BBX: variants seen among roughly 807,000 people sequenced by gnomAD.
BBX encodes HMG box transcription factor BBX.
BBX carries 30 observed loss-of-function variants against 100.2 expected under a neutral mutation model. The observed-to-expected ratio is 0.30, with a 90% CI of 0.22 to 0.41. The LOEUF is 0.41. BBX is among the 10% of genes least tolerant of loss of function. The probability of loss-of-function intolerance (pLI) is 1.00; values close to 1 mark genes in which losing one functional copy is unlikely to be tolerated. For synonymous variants in BBX, 376 were observed against 388.1 expected (o/e 0.97, Z 0.37); for missense variants, 1,023 against 1,129.8 (o/e 0.91, Z 1.35).
intron 13 of BBX, among the ~76,000 whole-genome samples, chr3:107,781,586 C>T (rs2067896827): frequency 6.6e-6 from 1 of 152,142 alleles, no homozygotes; most frequent in Non-Finnish European, 1.5e-5. Flanking sequence ...ATTTGTTTTA[C>T]ACATGTTTTT....
intron 9 of BBX, among the ~76,000 whole-genome samples, chr3:107,751,680 C>T (rs2065089930): frequency 6.6e-6 from 1 of 151,962 alleles, no homozygotes; most frequent in Non-Finnish European, 1.5e-5. Context: ...TTTGTAGGTG[C>T]CTCATAAATG....
At chr3:107,800,151 G>A (rs557446459) in intron 16 of BBX, among the ~76,000 whole-genome samples, 1 of 152,318 alleles carries the variant, frequency 6.6e-6, no homozygotes, top group East Asian at 1.9e-4. Context: ...AGAGGTGGAA[G>A]TTTTTGTTTG....
At chr3:107,571,759 C>G (rs2051382331) in intron 2 of BBX, among the ~76,000 whole-genome samples, 1 of 152,216 alleles carries the variant, frequency 6.6e-6, no homozygotes, top group South Asian at 2.1e-4. Flanking sequence ...TTTGTGTGAG[C>G]AACAAGGCTG....
At chr3:107,618,007 A>T (rs186210897) in intron 2 of BBX, among the ~76,000 whole-genome samples, 4 of 152,012 alleles carry the variant, frequency 2.6e-5, no homozygotes, top group African/African-American at 9.6e-5. Context: ...TGTTAGCTGT[A>T]GGTTATTTTT....
chr3:107,544,697 C>A (rs547980064), intron 2 of BBX, among the ~76,000 whole-genome samples: 1 of 151,642 alleles, frequency 6.6e-6, no homozygotes, highest in Admixed American at 6.6e-5. Context: ...ATAGCGAAAC[C>A]CCATCTCTAT....
chr3:107,698,740 G>T (rs1411015334), intron 3 of BBX, among the ~76,000 whole-genome samples: 2 of 151,612 alleles, frequency 1.3e-5, no homozygotes, highest in African/African-American at 4.9e-5. Context: ...AGGAGAAAAG[G>T]GAATGGATAA....
At chr3:107,560,941 A>G (rs2050448275) in intron 2 of BBX, among the ~76,000 whole-genome samples, 1 of 152,208 alleles carries the variant, frequency 6.6e-6, no homozygotes, top group African/African-American at 2.4e-5. Context: ...CAAGTGTACT[A>G]TTGATATTTT....
intron 3 of BBX, among the ~76,000 whole-genome samples, chr3:107,647,488 C>T (rs2057588975): frequency 6.6e-6 from 1 of 152,182 alleles, no homozygotes; most frequent in Admixed American, 6.6e-5. Context: ...CAGAAATTCA[C>T]ACTGCTGATA....
intron 3 of BBX, among the ~76,000 whole-genome samples, chr3:107,695,793 G>A (rs1196928244): frequency 1.3e-5 from 2 of 151,372 alleles, no homozygotes; most frequent in Admixed American, 1.3e-4. Context: ...GTTGACAGTG[G>A]GGTGTTAAAG....
chr3:107,633,192 C>CA (rs2056652231), intron 2 of BBX, among the ~76,000 whole-genome samples: 1 of 151,696 alleles, frequency 6.6e-6, no homozygotes, highest in East Asian at 1.9e-4. Flanking sequence ...CTTTGAATTT[C>CA]AAAAAACAGT....
chr3:107,573,949 T>C (rs2051574884), intron 2 of BBX, among the ~76,000 whole-genome samples: 1 of 152,306 alleles, frequency 6.6e-6, no homozygotes, highest in East Asian at 1.9e-4. Flanking sequence ...GCTCTCAAAC[T>C]CCTGATCTCG....
chr3:107,779,012 TATATATATACACAC>T (rs1162499769), intron 13 of BBX, among the ~76,000 whole-genome samples: 2 of 72,132 alleles, frequency 2.8e-5, no homozygotes, highest in African/African-American at 8.6e-5. Context: ...TATATATATA[TATATATATACACAC>T]ACACACACAC....
intron 2 of BBX, among the ~76,000 whole-genome samples, chr3:107,608,591 T>C (rs1468499961): frequency 6.6e-6 from 1 of 152,186 alleles, no homozygotes; most frequent in Non-Finnish European, 1.5e-5. Flanking sequence ...TTTTTTCTAT[T>C]TCTGTGAAGA....
At chr3:107,605,015 C>T (rs567628100) in intron 2 of BBX, among the ~76,000 whole-genome samples, 1 of 152,286 alleles carries the variant, frequency 6.6e-6, no homozygotes, top group African/African-American at 2.4e-5. Flanking sequence ...ATTTACTTGA[C>T]TGCGTAGCTT....
chr3:107,791,509 C>T (rs1415725406), intron 15 of BBX, among the ~76,000 whole-genome samples: 2 of 152,198 alleles, frequency 1.3e-5, no homozygotes, highest in African/African-American at 4.8e-5. Context: ...GGTGTTTAAT[C>T]TGTTAAAGGG....
At chr3:107,578,829 GC>G (rs2052031775) in intron 2 of BBX, among the ~76,000 whole-genome samples, 1 of 152,066 alleles carries the variant, frequency 6.6e-6, no homozygotes, top group South Asian at 2.1e-4. Context: ...CCTGTCCCCT[GC>G]TTGTGACATT....
At chr3:107,763,753 A>G (rs911433386) in intron 10 of BBX, among the ~76,000 whole-genome samples, 1 of 152,138 alleles carries the variant, frequency 6.6e-6, no homozygotes, top group African/African-American at 2.4e-5. Context: ...AGGTATTAAC[A>G]TACTGATTTT....
intron 3 of BBX, among the ~76,000 whole-genome samples, chr3:107,703,147 G>T (rs1192994832): frequency 6.6e-6 from 1 of 152,188 alleles, no homozygotes; most frequent in Non-Finnish European, 1.5e-5. Flanking sequence ...AAAAACCTTT[G>T]TGAATTTGTA....
At chr3:107,652,772 A>G (rs984724690) in intron 3 of BBX, among the ~76,000 whole-genome samples, 1 of 152,210 alleles carries the variant, frequency 6.6e-6, no homozygotes, top group African/African-American at 2.4e-5. Flanking sequence ...GAACTTGCTC[A>G]TAACATTTCT....
Sources: allele counts gnomAD v4.1 joint callset (sites outside exome capture counted in the v4.1 genomes callset), GRCh38; gene constraint gnomAD v4.1.1; transcripts MANE v1.5; gene names NCBI Gene and HGNC (gene_info 2026-07-23, HGNC 2026-07-21).